TP63: variants seen among roughly 807,000 people sequenced by gnomAD.
TP63 encodes the protein tumor protein p63, also known as tumor protein 63.
Under a neutral mutation model 82.8 loss-of-function variants are expected in TP63, and 17 were observed. That is an observed-to-expected ratio of 0.21 (90% CI 0.14 to 0.31). TP63 has a LOEUF of 0.31. Ranked by LOEUF, TP63 falls within the 10% of genes least tolerant of loss-of-function variation. The pLI is 1.00. For synonymous variants in TP63, 330 were observed against 321.7 expected (o/e 1.03, Z -0.28); for missense variants, 648 against 895.3 (o/e 0.72, Z 3.52).
At chr3:189,674,613 A>G (rs956649800) in intron 1 of TP63, among the ~76,000 whole-genome samples, 4 of 152,168 alleles carry the variant, frequency 2.6e-5, no homozygotes, top group African/African-American at 9.6e-5. Flanking sequence ...CACAAGCTCC[A>G]TGAATTGAAA....
intron 1 of TP63, among the ~76,000 whole-genome samples, chr3:189,703,987 T>TA (rs1328313352): frequency 1.3e-5 from 2 of 152,230 alleles, no homozygotes; most frequent in African/African-American, 4.8e-5. Flanking sequence ...AGTTATCACT[T>TA]ACACTTCAGT....
chr3:189,762,455 A>G (rs916928085), intron 3 of TP63, among the ~76,000 whole-genome samples: 3 of 152,206 alleles, frequency 2.0e-5, no homozygotes, highest in African/African-American at 7.2e-5. Context: ...AAAGGTATAC[A>G]GCTATAATGA....
intron 1 of TP63, among the ~76,000 whole-genome samples, chr3:189,654,693 GA>G (rs1286080409): frequency 6.6e-6 from 1 of 152,200 alleles, no homozygotes; most frequent in Non-Finnish European, 1.5e-5. Context: ...TATGCAAGCT[GA>G]AAAAAATCTA....
chr3:189,610,922 C>T, the TP63 span, among the ~76,000 whole-genome samples: 10 of 152,218 alleles, frequency 6.6e-5, no homozygotes, highest in East Asian at 3.9e-4. Flanking sequence ...AAAAAGAGAG[C>T]GCTTGTGCAG....
intron 4 of TP63, among the ~76,000 whole-genome samples, chr3:189,852,495 C>T (rs1004810668): frequency 6.6e-6 from 1 of 152,188 alleles, no homozygotes; most frequent in Admixed American, 6.5e-5. Context: ...TGTTTTGGTA[C>T]TTCCATGTAT....
intron 4 of TP63, among the ~76,000 whole-genome samples, chr3:189,847,953 C>T (rs1463134755): frequency 6.6e-6 from 1 of 152,088 alleles, no homozygotes; most frequent in Non-Finnish European, 1.5e-5. Context: ...ATTTTCTAAT[C>T]ATGTGTTTAT....
chr3:189,691,355 A>AAAAAAAG (rs1553813522), intron 1 of TP63, among the ~76,000 whole-genome samples: 3,797 of 142,838 alleles, frequency 0.027, 73 homozygotes, highest in Non-Finnish European at 0.044. Flanking sequence ...AAAAAAAAAA[A>AAAAAAAG]AAAAAGAAAA....
At chr3:189,610,384 TTTC>T in the TP63 span, among the ~76,000 whole-genome samples, 6 of 152,208 alleles carry the variant, frequency 3.9e-5, no homozygotes, top group Admixed American at 3.9e-4. Context: ...TGCTTAGAAA[TTTC>T]TTCTGCCAAA....
At chr3:189,681,138 A>G (rs1715867904) in intron 1 of TP63, among the ~76,000 whole-genome samples, 1 of 151,868 alleles carries the variant, frequency 6.6e-6, no homozygotes, top group African/African-American at 2.4e-5. Flanking sequence ...CTGTGCTCCT[A>G]TAATCTTTCA....
intron 4 of TP63, among the ~76,000 whole-genome samples, chr3:189,818,150 G>C (rs1430709529): frequency 2.6e-5 from 4 of 151,618 alleles, no homozygotes; most frequent in Non-Finnish European, 5.9e-5. Context: ...AATGTATATA[G>C]AGCCCTGGAG....
At chr3:189,808,889 G>C (rs1404290017) in intron 4 of TP63, among the ~76,000 whole-genome samples, 1 of 152,150 alleles carries the variant, frequency 6.6e-6, no homozygotes, top group East Asian at 1.9e-4. Context: ...GTGTTTACCA[G>C]TCTCATTCTT....
intron 11 of TP63, among the ~76,000 whole-genome samples, chr3:189,887,433 C>T (rs975751490): frequency 2.6e-5 from 4 of 152,088 alleles, no homozygotes; most frequent in African/African-American, 9.7e-5. Context: ...ACGAAGGAAC[C>T]TGCCTTTTAT....
At chr3:189,646,734 C>A (rs1712451613) in intron 1 of TP63, among the ~76,000 whole-genome samples, 1 of 146,696 alleles carries the variant, frequency 6.8e-6, no homozygotes. Flanking sequence ...AACAAAAATA[C>A]ATCTTAAAAA....
At chr3:189,867,738 C>G in intron 6 of TP63, 95 bp from the exon 7 acceptor site, 10 of 1,128,492 alleles carry the variant, frequency 8.9e-6, no homozygotes, top group East Asian at 2.5e-5. Flanking sequence ...ATCACTTCAT[C>G]AGAAGTGGAA....
At chr3:189,886,134 C>G (rs1288573524) in intron 10 of TP63, among the ~76,000 whole-genome samples, 1 of 152,162 alleles carries the variant, frequency 6.6e-6, no homozygotes, top group Non-Finnish European at 1.5e-5. Flanking sequence ...AGAATTTTCT[C>G]TTTCTCAAAG....
intron 1 of TP63, among the ~76,000 whole-genome samples, chr3:189,647,959 G>A (rs4234611): frequency 0.9 from 131,037 of 146,284 alleles, 61,826 homozygotes; most frequent in East Asian, 1. Context: ...ACTGTATTTC[G>A]TAACTAAGAT....
At chr3:189,618,844 C>A in the TP63 span, among the ~76,000 whole-genome samples, 1 of 152,236 alleles carries the variant, frequency 6.6e-6, no homozygotes, top group Non-Finnish European at 1.5e-5. Context: ...CTCTTTATTT[C>A]TTATCTACCG....
At chr3:189,763,440 T>C (rs1427442762) in intron 3 of TP63, among the ~76,000 whole-genome samples, 2 of 152,142 alleles carry the variant, frequency 1.3e-5, no homozygotes, top group Admixed American at 6.5e-5. Flanking sequence ...CTGGAGGCAA[T>C]GTGGAGAATG....
intron 4 of TP63, among the ~76,000 whole-genome samples, chr3:189,839,177 G>A (rs754505554): frequency 4.0e-5 from 6 of 151,830 alleles, no homozygotes; most frequent in Admixed American, 1.3e-4. Context: ...TTTACACCTG[G>A]GCATCCATTT....
Sources: gnomAD v4.1 joint callset for allele counts (sites outside exome capture counted in the v4.1 genomes callset) on GRCh38, gnomAD v4.1.1 for gene constraint, MANE v1.5 for transcripts, NCBI Gene and HGNC (gene_info 2026-07-23, HGNC 2026-07-21) for gene names.